MROH9: variants seen among roughly 807,000 people sequenced by gnomAD.
The protein encoded by MROH9 is maestro heat-like repeat-containing protein family member 9.
A neutral mutation model predicts 98.2 loss-of-function variants in MROH9; 92 were observed. That is an observed-to-expected ratio of 0.94 (90% CI 0.79 to 1.11). The LOEUF is 1.11. MROH9 is among the 50% of genes most tolerant of loss of function. The pLI is 0.00. For missense variants in MROH9, 1,057 were observed against 1,014.8 expected (o/e 1.04, Z -0.57); for synonymous variants, 397 against 368.9 (o/e 1.08, Z -0.87).
chr1:171,047,341 C>T (rs2101864936), intron 20 of MROH9, among the ~76,000 whole-genome samples: 1 of 152,236 alleles, frequency 6.6e-6, no homozygotes, highest in East Asian at 1.9e-4. Flanking sequence ...ATCTTGTAGG[C>T]ATGCTTCATT....
chr1:170,966,496 A>G (rs1650241920), intron 7 of MROH9, among the ~76,000 whole-genome samples: 1 of 152,086 alleles, frequency 6.6e-6, no homozygotes, highest in East Asian at 1.9e-4. Context: ...AGGGTGAGAA[A>G]CATGCATTCA....
rs770151852 is a variant in MROH9, at chr1:170,959,545, T to C, written c.236T>C (p.Leu79Pro). ...SFGMLVVMPS[L>P]DKVKEMGSSY... ...GGAATGCTAGTTGTCATGCCAAGTC[T>C]TGACAAAGTAAAAGAAATGGGGAGC... Residue 79 changes from leucine (L) to proline (P), a missense_variant, in exon 5 of 22, where the codon CTT becomes CCT. Leu to Pro is a moderately conservative substitution (Grantham distance 98). Transcript: ENST00000367759. The C allele has an allele frequency of 1.9e-6, 3 of 1,613,674 alleles. No homozygotes were observed. The East Asian group carries it at 6.7e-5, about 36-fold the overall frequency.
chr1:171,025,620 G>T (rs16863950), intron 20 of MROH9, among the ~76,000 whole-genome samples, 200 bp downstream of exon 20: 4 of 149,944 alleles, frequency 2.7e-5, no homozygotes, highest in African/African-American at 1.0e-4. Context: ...CTGTATGGTT[G>T]ATTATTATGC....
intron 15 of MROH9, among the ~76,000 whole-genome samples, chr1:171,008,095 T>C (rs192742323): frequency 1.3e-5 from 2 of 152,324 alleles, no homozygotes; most frequent in Admixed American, 1.3e-4. Flanking sequence ...CATTCTTGTT[T>C]TATTATGGAT....
intron 3 of MROH9, among the ~76,000 whole-genome samples, chr1:170,950,725 A>C (rs1163472704): frequency 2.0e-5 from 3 of 152,102 alleles, no homozygotes; most frequent in Admixed American, 2.0e-4. Context: ...ACTACTTTAA[A>C]AGTCCATTCA....
At chr1:170,947,652 G>T in intron 3 of MROH9, 79 bp downstream of exon 3, 1 of 1,241,980 alleles carries the variant, frequency 8.1e-7, no homozygotes, top group African/African-American at 1.5e-5. Flanking sequence ...CCATTACAAG[G>T]ATGTTACAAG....
rs1279343501 is a variant in MROH9, at chr1:170,989,978, A to G, written c.1003A>G (p.Met335Val). ...TSPKKVIFQL[M>V]DYPVPADDTL... ...ACCCAAGAAGGTCATCTTTCAACTT[A>G]TGGACTACCCAGTTCCAGCAGACGA... is the stretch of plus-strand genomic sequence containing the variant. Residue 335 changes from methionine (M) to valine (V), a missense_variant, in exon 11 of 22, where the codon ATG (methionine) becomes GTG (valine). Transcript: ENST00000367759. 1 of 1,612,516 alleles carries G rather than the reference A, an allele frequency of 6.2e-7. No individual in the cohort carries two copies. Among genetic ancestry groups the G allele is most frequent in the African/African-American group, 1.3e-5 (1 of 74,866 alleles).
intron 1 of MROH9, among the ~76,000 whole-genome samples, chr1:170,939,388 A>T (rs1020666360): frequency 6.6e-6 from 1 of 152,176 alleles, no homozygotes; most frequent in South Asian, 2.1e-4. Context: ...TCTCTTGGCC[A>T]TTGTCCTTCA....
chr1:170,944,759 G>T (rs1649257272), intron 1 of MROH9, among the ~76,000 whole-genome samples: 1 of 152,092 alleles, frequency 6.6e-6, no homozygotes, highest in East Asian at 1.9e-4. Flanking sequence ...GAAAATCTAT[G>T]TGGTAAGTAG....
intron 17 of MROH9, among the ~76,000 whole-genome samples, chr1:171,023,681 G>T (rs1351413015): frequency 6.6e-6 from 1 of 151,868 alleles, no homozygotes; most frequent in East Asian, 1.9e-4. Flanking sequence ...TTTGATATAG[G>T]TATACATTGT....
intron 1 of MROH9, among the ~76,000 whole-genome samples, chr1:170,941,061 A>T (rs6659921): frequency 0.38 from 57,025 of 151,942 alleles, 10,938 homozygotes; most frequent in Middle Eastern, 0.49. Context: ...CACTGTTAGA[A>T]GGACCTGAGC....
intron 20 of MROH9, among the ~76,000 whole-genome samples, chr1:171,037,253 G>A (rs556696664): frequency 3.4e-4 from 52 of 151,410 alleles, no homozygotes; most frequent in African/African-American, 1.2e-3. Context: ...ATGACGGAGG[G>A]AGAGAGGAAA....
At chr1:171,042,630 C>T (rs1208487004) in intron 20 of MROH9, among the ~76,000 whole-genome samples, 1 of 152,026 alleles carries the variant, frequency 6.6e-6, no homozygotes, top group Non-Finnish European at 1.5e-5. Context: ...CCCATTTAAC[C>T]ACATCCTCAC....
chr1:170,945,835 G>T (rs1010236326), intron 2 of MROH9, among the ~76,000 whole-genome samples: 3 of 152,014 alleles, frequency 2.0e-5, no homozygotes, highest in African/African-American at 7.2e-5. Context: ...TTAGAAACTA[G>T]TGATGAATTC....
At chr1:170,967,814 T>A (rs1650290565) in intron 7 of MROH9, among the ~76,000 whole-genome samples, 1 of 152,048 alleles carries the variant, frequency 6.6e-6, no homozygotes. Context: ...AAGTTAAGCA[T>A]GTCAACTTAT....
intron 1 of MROH9, among the ~76,000 whole-genome samples, chr1:170,940,931 G>A (rs761977417): frequency 1.1e-4 from 17 of 152,102 alleles, no homozygotes; most frequent in East Asian, 1.9e-4. Flanking sequence ...ACCAGTATGC[G>A]GATTCCACTA....
At chr1:170,945,755 G>C (rs191923874) in intron 2 of MROH9, among the ~76,000 whole-genome samples, 174 bp downstream of exon 2, 17 of 152,060 alleles carry the variant, frequency 1.1e-4, no homozygotes, top group Admixed American at 6.6e-5. Context: ...CATATATTAG[G>C]CTAGAAATTT....
At chr1:171,029,399 G>A (rs1484773420) in intron 20 of MROH9, among the ~76,000 whole-genome samples, 2 of 152,058 alleles carry the variant, frequency 1.3e-5, no homozygotes, top group Admixed American at 6.6e-5. Flanking sequence ...TAGTAGAGAC[G>A]AGGTTTCACC....
intron 20 of MROH9, among the ~76,000 whole-genome samples, chr1:171,025,663 TAAGA>T (rs1213438486): frequency 3.3e-5 from 5 of 152,188 alleles, no homozygotes; most frequent in African/African-American, 1.2e-4. Context: ...TTTCAAAACT[TAAGA>T]CAGTGACATA....
Sources: gnomAD v4.1 joint callset for allele counts (sites outside exome capture counted in the v4.1 genomes callset) on GRCh38, gnomAD v4.1.1 for gene constraint, MANE v1.5 for transcripts, NCBI Gene and HGNC (gene_info 2026-07-23, HGNC 2026-07-21) for gene names.